DET1: variants seen among roughly 807,000 people sequenced by gnomAD.
DET1 encodes the protein DET1 homolog.
In DET1, 22 loss-of-function variants were observed where a neutral mutation model predicts 43.7. That is an observed-to-expected ratio of 0.50 (90% CI 0.36 to 0.72). The LOEUF (loss-of-function observed/expected upper bound fraction) is 0.72, where lower values mean the gene tolerates loss of function less well. Ranked by LOEUF, DET1 falls within the 30% of genes least tolerant of loss-of-function variation. The probability of loss-of-function intolerance (pLI) is 0.00; values close to 1 mark genes in which losing one functional copy is unlikely to be tolerated. For missense variants in DET1, 713 were observed against 713.3 expected, an observed-to-expected ratio of 1.00 and a Z score of 0.00; for synonymous variants, 315 against 266.2, an observed-to-expected ratio of 1.18 and a Z score of -1.79.
chr15:88,545,473 C>T (rs556600697), intron 1 of DET1, among the ~76,000 whole-genome samples: 65 of 152,228 alleles, frequency 4.3e-4, no homozygotes, highest in African/African-American at 1.3e-3. Flanking sequence ...ACAACAGGAA[C>T]GAGAAAATAA....
At chr15:88,510,896 C>T (rs555233114), downstream of DET1, among the ~76,000 whole-genome samples, 65 of 151,912 alleles carry the variant, frequency 4.3e-4, no homozygotes, top group Middle Eastern at 6.8e-3. Flanking sequence ...GCCTCAGCCT[C>T]CAAAGTAGCT....
At chr15:88,543,890 G>T (rs534893734) in intron 1 of DET1, among the ~76,000 whole-genome samples, 1 of 152,168 alleles carries the variant, frequency 6.6e-6, no homozygotes, top group African/African-American at 2.4e-5. Flanking sequence ...TGCCAAGCAA[G>T]GTTCTAAACC....
At chr15:88,511,401 G>C, downstream of DET1, 9 of 985,328 alleles carry the variant, frequency 9.1e-6, no homozygotes, top group Non-Finnish European at 1.1e-5. Flanking sequence ...CCTCACCCCA[G>C]TGTATGCTGC....
rs58177778 is a variant in DET1, at chr15:88,536,770, C to CAAAAAAAAAAAA, written c.-10-5067_-10-5056dup. Reference sequence around the variant, plus strand: ...TGGGCAACAGAGCAAGACTCCATCTCAAAAAAAAAAAAAAAAAAAGGAACA... The same window carrying CAAAAAAAAAAAA: ...TGGGCAACAGAGCAAGACTCCATCTCAAAAAAAAAAAAAAAAAAAAAAAAAAAAAAAGGAACA... On this transcript the variant is annotated intron_variant, in intron 1 of 4. Coordinates refer to ENST00000268148, the MANE Select transcript of DET1 (RefSeq NM_001144074.3). Among the ~76,000 whole-genome samples, 16 of 48,060 alleles carry CAAAAAAAAAAAA rather than the reference C, an allele frequency of 3.3e-4. 1 individual carries two copies. Among genetic ancestry groups the CAAAAAAAAAAAA allele is most frequent in the African/African-American group, 1.3e-3 (15 of 11,484 alleles). The allele number at this position is 48,060 out of a possible 152,430, so 31.5% of individuals were successfully genotyped here.
rs150392631 is a variant in DET1, at chr15:88,542,753, G to A, written c.-11+3787C>T. Among the ~76,000 whole-genome samples the A allele has an allele frequency of 3.7e-3, 566 of 152,214 alleles. 3 individuals are homozygous for A. The highest frequency in any genetic ancestry group is 0.013 in the African/African-American group (551 of 41,534). Reference sequence around the variant, plus strand: ...CTATCCAAGAGGGCAGAAAGGAAAGGCCCCCATTCCAGAAAAAATGGCCAA... The same window carrying A: ...CTATCCAAGAGGGCAGAAAGGAAAGACCCCCATTCCAGAAAAAATGGCCAA... On this transcript the variant is annotated intron_variant, in intron 1 of 4. Transcript: ENST00000268148.
At chr15:88,541,094 T>C (rs2142340981) in intron 1 of DET1, among the ~76,000 whole-genome samples, 1 of 92,052 alleles carries the variant, frequency 1.1e-5, no homozygotes, top group Admixed American at 1.1e-4. Context: ...TAAAACCCGA[T>C]TGTATGCTCC....
chr15:88,512,839 A>C lies in DET1; in HGVS notation c.*112T>G. 1.3e-6 allele frequency: 2 copies of C among 1,490,856 alleles called. No homozygotes were observed. The highest frequency in any genetic ancestry group is 1.8e-6 in the Non-Finnish European group (2 of 1,118,670). The allele number at this position is 1,490,856 out of a possible 1,614,324, so 92.4% of individuals were successfully genotyped here. A position where few individuals can be genotyped will look rare whatever the true frequency, so the allele number is the denominator to read the frequency against. On this transcript the variant is annotated 3_prime_UTR_variant, in exon 5 of 5. Coordinates refer to ENST00000268148, the MANE Select transcript of DET1 (RefSeq NM_001144074.3). ...TCTGGCTCTCTCCCATCTGAGGTAT[A>C]GCAGGCTGGAACTAACAGAGCTAGT...
intron 1 of DET1, among the ~76,000 whole-genome samples, chr15:88,539,663 G>A (rs138841058): frequency 5.3e-5 from 8 of 152,238 alleles, no homozygotes; most frequent in Admixed American, 3.3e-4. Flanking sequence ...GTCACAAGAG[G>A]TTAAATTTCT....
chr15:88,516,880 G>GT lies in DET1; in HGVS notation c.1364dup (p.Tyr455Ter). The change falls in exon 4 of 5, where the codon TAC (tyrosine) becomes TAAC (stop). Residue 455 changes from tyrosine to a stop codon, truncating the protein, a stop_gained and frameshift_variant. Transcript: ENST00000268148. LOFTEE classifies it high-confidence loss of function. The surrounding 1 kb of genome is among the most constrained non-coding windows in gnomAD (Gnocchi z 4.4). ...ACAAATCCAGATAGGGGCTACCGCT[G>GT]TAAGACTGAGCACTGATGGGGAGCT... ...LGQLPISAQS[Y>*]SGSPYLDLSL... 6.2e-7 allele frequency: 1 copy of GT among 1,611,554 alleles called. No individual in the cohort carries two copies. The highest frequency in any genetic ancestry group is 1.1e-5 in the South Asian group (1 of 90,438).
downstream of DET1, among the ~76,000 whole-genome samples, chr15:88,509,690 T>TCCA (rs2056177194): frequency 6.6e-6 from 1 of 152,168 alleles, no homozygotes; most frequent in African/African-American, 2.4e-5. Context: ...AGGCTAGTGG[T>TCCA]CCACCAAAAC....
In DET1 at chr15:88,531,528, A is replaced by G; in HGVS notation, c.178T>C (p.Cys60Arg). The change falls in exon 2 of 5, where the codon TGT becomes CGT. Residue 60 changes from cysteine to arginine, a missense_variant. Physicochemically the swap from Cys to Arg is radical, Grantham distance 180. Coordinates refer to ENST00000268148, the MANE Select transcript of DET1 (RefSeq NM_001144074.3). This position sits in a 1 kb window ranked among gnomAD's most constrained non-coding sequence, Gnocchi z 6.2. ...FTVVNVEKPP[C>R]FLRKFSPDGR... ...TCAGGTGAGAATTTACGCAAGAAAC[A>G]AGGAGGCTTTTCAACGTTGACAACT... 1 of 1,614,016 alleles carries G rather than the reference A, an allele frequency of 6.2e-7. No homozygotes were observed. Among genetic ancestry groups the G allele is most frequent in the Non-Finnish European group, 8.5e-7 (1 of 1,179,888 alleles).
At chr15:88,543,549 G>A (rs778653703) in intron 1 of DET1, among the ~76,000 whole-genome samples, 8 of 152,284 alleles carry the variant, frequency 5.3e-5, no homozygotes, top group East Asian at 1.9e-4. Context: ...TAGAGAAGGC[G>A]GACGCCGCTG....
chr15:88,536,952 C>A (rs1282496783), intron 1 of DET1, among the ~76,000 whole-genome samples: 1 of 151,952 alleles, frequency 6.6e-6, no homozygotes, highest in African/African-American at 2.4e-5. Flanking sequence ...AGCAGGGGAG[C>A]GATTGGATCC....
chr15:88,532,379 C>T (rs1567069373), intron 1 of DET1, among the ~76,000 whole-genome samples: 2 of 152,118 alleles, frequency 1.3e-5, no homozygotes, highest in African/African-American at 4.8e-5. Flanking sequence ...TTAAGATATC[C>T]ATATTACCCA....
intron 1 of DET1, among the ~76,000 whole-genome samples, chr15:88,543,762 T>C (rs1259119079): frequency 1.3e-5 from 2 of 152,218 alleles, no homozygotes; most frequent in Non-Finnish European, 2.9e-5. Flanking sequence ...GGTACGCCTT[T>C]GCTACTGTGC....
intron 1 of DET1, among the ~76,000 whole-genome samples, chr15:88,533,567 A>G (rs1385480501): frequency 1.3e-5 from 2 of 152,310 alleles, no homozygotes; most frequent in African/African-American, 2.4e-5. Flanking sequence ...TAAACAAAAT[A>G]TGGTATATAC....
chr15:88,527,495 G>T, intron 3 of DET1, 104 bp downstream of exon 3: 2 of 1,063,230 alleles, frequency 1.9e-6, no homozygotes, highest in Non-Finnish European at 2.6e-6. Context: ...AATAACCAAA[G>T]CTATGTGGAC....
downstream of DET1, chr15:88,511,344 T>C (rs552911280): frequency 1.1e-5 from 10 of 940,970 alleles, no homozygotes; most frequent in South Asian, 4.5e-4. Context: ...AAGACCTCTC[T>C]TCCCAATATC....
chr15:88,502,376 G>C (rs1298297835), intron 8 of DET1: 1 of 152,044 alleles, frequency 6.6e-6, no homozygotes, highest in Non-Finnish European at 1.5e-5. Context: ...TTAAAACTAA[G>C]AGACAGTCTG....
Sources: gnomAD v4.1 joint callset for allele counts (sites outside exome capture counted in the v4.1 genomes callset) on GRCh38, gnomAD v4.1.1 for gene constraint, Gnocchi (gnomAD v3.1) non-coding constraint, MANE v1.5 for transcripts, NCBI Gene and HGNC (gene_info 2026-07-23, HGNC 2026-07-21) for gene names.